FAR1: variants seen among roughly 807,000 people sequenced by gnomAD.
FAR1 encodes fatty acyl-CoA reductase 1.
A neutral mutation model predicts 61.1 loss-of-function variants in FAR1; 22 were observed. The observed-to-expected ratio is 0.36, with a 90% CI of 0.26 to 0.51. FAR1 has a LOEUF of 0.51. Ranked by LOEUF, FAR1 falls within the 20% of genes least tolerant of loss-of-function variation. FAR1 has a pLI of 0.95. For missense variants in FAR1, 359 were observed against 626.9 expected, an observed-to-expected ratio of 0.57 and a Z score of 4.56; for synonymous variants, 206 against 209.7, an observed-to-expected ratio of 0.98 and a Z score of 0.15.
At chr11:13,690,154 G>A (rs1032083131) in intron 1 of FAR1, among the ~76,000 whole-genome samples, 1 of 152,118 alleles carries the variant, frequency 6.6e-6, no homozygotes, top group Non-Finnish European at 1.5e-5. Context: ...TGGGATTACA[G>A]GTGTGAACCA....
chr11:13,712,080 A>G, intron 7 of FAR1, 34 bp downstream of exon 7: 2 of 1,375,032 alleles, frequency 1.5e-6, no homozygotes, highest in Non-Finnish European at 1.0e-6. Flanking sequence ...TATTAAATAT[A>G]TAGTAACTGA....
chr11:13,713,560 A>C (rs1848524227), intron 8 of FAR1, among the ~76,000 whole-genome samples: 9 of 152,152 alleles, frequency 5.9e-5, no homozygotes, highest in Admixed American at 5.9e-4. Context: ...GAATAGCATA[A>C]CTTAAATAGG....
rs1201696932 is a variant in FAR1 at position 13,731,454 on chromosome 11, G to C, written c.*2680G>C. On this transcript the variant is annotated 3_prime_UTR_variant, in exon 12 of 12. Coordinates refer to ENST00000354817, the MANE Select transcript of FAR1 (RefSeq NM_032228.6). Reference sequence around the variant, plus strand: ...AATAAAAGCATTATTGGGTGCCTTTGTTTGTAAACCAAAAAGTAATAAATG... The same window carrying C: ...AATAAAAGCATTATTGGGTGCCTTTCTTTGTAAACCAAAAAGTAATAAATG... 6.6e-6 allele frequency: 1 copy of C among 152,420 alleles called. No individual in the cohort carries two copies. Among genetic ancestry groups the C allele is most frequent in the East Asian group, 1.9e-4 (1 of 5,188 alleles). The allele number at this position is 152,420 out of a possible 1,614,324, so 9.4% of individuals were successfully genotyped here.
intron 1 of FAR1, among the ~76,000 whole-genome samples, chr11:13,686,223 G>T (rs1338249116): frequency 6.6e-6 from 1 of 152,126 alleles, no homozygotes; most frequent in Non-Finnish European, 1.5e-5. Flanking sequence ...GACAGTTTGT[G>T]CTAAATAAAT....
chr11:13,699,422 T>G (rs1313278086), intron 2 of FAR1, among the ~76,000 whole-genome samples: 1 of 152,156 alleles, frequency 6.6e-6, no homozygotes, highest in African/African-American at 2.4e-5. Flanking sequence ...GAGCTATCAG[T>G]AGGAGCGGGA....
chr11:13,675,377 T>G (rs1408445583), intron 1 of FAR1, among the ~76,000 whole-genome samples: 1 of 152,156 alleles, frequency 6.6e-6, no homozygotes, highest in Non-Finnish European at 1.5e-5. Flanking sequence ...GAAAGAACAT[T>G]CAGGGATAAG....
At chr11:13,700,969 T>G (rs1015654140) in intron 3 of FAR1, among the ~76,000 whole-genome samples, 2 of 152,110 alleles carry the variant, frequency 1.3e-5, no homozygotes, top group African/African-American at 2.4e-5. Flanking sequence ...GGGCAAGGTA[T>G]GTTGGACATA....
intron 3 of FAR1, among the ~76,000 whole-genome samples, chr11:13,702,880 AG>A (rs1432244707): frequency 2.0e-5 from 3 of 152,198 alleles, no homozygotes; most frequent in African/African-American, 7.2e-5. Flanking sequence ...CTGTCCCCCT[AG>A]GGTAAGCAAG....
chr11:13,708,425 A>T, intron 4 of FAR1, among the ~76,000 whole-genome samples: 1 of 131,404 alleles, frequency 7.6e-6, no homozygotes, highest in African/African-American at 2.8e-5. Context: ...ACCCCACCCC[A>T]TATACATGTG....
chr11:13,669,113 G>A (rs995340631), intron 1 of FAR1, among the ~76,000 whole-genome samples: 42 of 152,326 alleles, frequency 2.8e-4, no homozygotes, highest in African/African-American at 9.9e-4. Context: ...GCCGCTAGAG[G>A]TGGCGAAGGT....
At position 13,703,689 on chromosome 11, in the gene FAR1, C is replaced by T. The variant is rs982111644; in HGVS notation, c.365+3197C>T. 3.9e-5 allele frequency among the ~76,000 whole-genome samples: 6 copies of T among 152,074 alleles called. No individual in the cohort carries two copies. The East Asian group carries it at 1.2e-3, about 29-fold the overall frequency. On this transcript the variant is annotated intron_variant, in intron 3 of 11. Transcript: ENST00000354817. The stretch of plus-strand genomic sequence containing the variant: ...CACTTGTTTTCAGATGTGGTGGTTC[C>T]TAAATCTTGAGACAGGAGAAAAATA...
intron 10 of FAR1, among the ~76,000 whole-genome samples, chr11:13,722,665 G>A (rs1848623606): frequency 6.6e-6 from 1 of 151,642 alleles, no homozygotes; most frequent in African/African-American, 2.4e-5. Flanking sequence ...GTAGAGACGG[G>A]GTTTCACCAT....
In FAR1 at chr11:13,728,839, G is replaced by A; in HGVS notation, c.*65G>A. The A allele has an allele frequency of 1.4e-6, 2 of 1,444,190 alleles. No individual in the cohort carries two copies. The highest frequency in any genetic ancestry group is 9.5e-7 in the Non-Finnish European group (1 of 1,056,188). The allele number at this position is 1,444,190 out of a possible 1,614,324, so 89.5% of individuals were successfully genotyped here. On this transcript the variant is annotated 3_prime_UTR_variant, in exon 12 of 12. Transcript: ENST00000354817. ...GATCTAAATGTACAAAATGTAAAAT[G>A]TATAAGTCATCTCACTTTTTGTCAA...
Position 13,695,354 on chromosome 11 carries a change from C to T in FAR1, c.189+400C>T, listed in dbSNP as rs574833623. ...ATAAAATTTATAAACACCACTTACTCCCCCACAACAGTATTAGGAGGTAGA... is the reference window on the plus strand; with the variant it reads ...ATAAAATTTATAAACACCACTTACTTCCCCACAACAGTATTAGGAGGTAGA... On this transcript the variant is annotated intron_variant, in intron 2 of 11. Coordinates refer to ENST00000354817, the MANE Select transcript of FAR1 (RefSeq NM_032228.6). Among the ~76,000 whole-genome samples the T allele has an allele frequency of 1.6e-4, 24 of 152,174 alleles. No individual in the cohort carries two copies. The South Asian group carries it at 4.8e-3, about 30-fold the overall frequency.
chr11:13,671,606 A>G (rs1370370513), intron 1 of FAR1, among the ~76,000 whole-genome samples: 1 of 152,228 alleles, frequency 6.6e-6, no homozygotes, highest in East Asian at 1.9e-4. Context: ...GTATATTGAT[A>G]ATAATAGCAA....
intron 1 of FAR1, among the ~76,000 whole-genome samples, chr11:13,691,071 A>C (rs1848244394): frequency 6.6e-6 from 1 of 152,196 alleles, no homozygotes; most frequent in African/African-American, 2.4e-5. Context: ...ACAGAAATTT[A>C]TTTCTCACCA....
chr11:13,672,450 G>T (rs571660909), intron 1 of FAR1, among the ~76,000 whole-genome samples: 2 of 151,780 alleles, frequency 1.3e-5, no homozygotes, highest in Non-Finnish European at 2.9e-5. Context: ...CAGCTACTTG[G>T]GGGGCTGAGA....
chr11:13,677,837 A>G (rs1025839074), intron 1 of FAR1, among the ~76,000 whole-genome samples: 11 of 152,254 alleles, frequency 7.2e-5, no homozygotes, highest in Admixed American at 7.2e-4. Flanking sequence ...TTGAATCACA[A>G]AAAATATGCT....
intron 1 of FAR1, among the ~76,000 whole-genome samples, chr11:13,683,533 A>ATTTTTTTTTTTTTTT: frequency 6.6e-6 from 1 of 151,462 alleles, no homozygotes; most frequent in African/African-American, 2.4e-5. Flanking sequence ...TTCATTGGTA[A>ATTTTTTTTTTTTTTT]GTTTTTTGTT....
Sources: gnomAD v4.1 joint callset for allele counts (sites outside exome capture counted in the v4.1 genomes callset) on GRCh38, gnomAD v4.1.1 for gene constraint, MANE v1.5 for transcripts, NCBI Gene and HGNC (gene_info 2026-07-23, HGNC 2026-07-21) for gene names.